DNAH3: variants seen among roughly 807,000 people sequenced by gnomAD.
DNAH3 encodes axonemal beta dynein heavy chain 3.
Under a neutral mutation model 432.5 loss-of-function variants are expected in DNAH3, and 332 were observed. The ratio of observed to expected loss-of-function variants is 0.77; its 90% confidence interval spans 0.70 to 0.84. The LOEUF (loss-of-function observed/expected upper bound fraction) is 0.84, where lower values mean the gene tolerates loss of function less well. Ranked by LOEUF, DNAH3 falls within the 40% of genes least tolerant of loss-of-function variation. The pLI is 0.00. For synonymous variants in DNAH3, 1,956 were observed against 1,900.2 expected (o/e 1.03, Z -0.76); for missense variants, 4,861 against 5,114.0 (o/e 0.95, Z 1.51).
intron 52 of DNAH3, among the ~76,000 whole-genome samples, chr16:20,967,299 TAATTTA>T (rs2085105910): frequency 6.6e-6 from 1 of 152,132 alleles, no homozygotes; most frequent in South Asian, 2.1e-4. Flanking sequence ...GCTTTAATTT[TAATTTA>T]ATGATGGGTT....
chr16:20,972,628 G>A (rs1437182767), intron 51 of DNAH3, among the ~76,000 whole-genome samples: 5 of 151,780 alleles, frequency 3.3e-5, no homozygotes, highest in Non-Finnish European at 7.4e-5. Flanking sequence ...TTCATTATGT[G>A]ACTCTGACAG....
intron 47 of DNAH3, among the ~76,000 whole-genome samples, chr16:20,986,706 C>G (rs923557477): frequency 3.3e-5 from 5 of 152,100 alleles, no homozygotes; most frequent in African/African-American, 1.2e-4. Flanking sequence ...CACTCTGTGC[C>G]TGGAGTAGGA....
chr16:20,980,203 T>TTTATA (rs2085801705), intron 49 of DNAH3, among the ~76,000 whole-genome samples: 3 of 116,906 alleles, frequency 2.6e-5, no homozygotes, highest in South Asian at 2.8e-4. Context: ...TTATTATATA[T>TTTATA]TTATTTATAT....
At chr16:21,154,950 TC>T (rs1210727835) in intron 1 of DNAH3, among the ~76,000 whole-genome samples, 1 of 141,464 alleles carries the variant, frequency 7.1e-6, no homozygotes, top group Non-Finnish European at 1.5e-5. Context: ...TTTCTTTCTT[TC>T]TTTTTTTTTT....
At position 21,149,035 on chromosome 16, in the gene DNAH3, AGCCTG is replaced by A. The variant is rs546452226; in HGVS notation, c.118-2952_118-2948del. ...CACTTGAGGCCAGGAGTTCGAGACC[AGCCTG>A]GCCAACATGGAGAAATCCCGTCTCT... On this transcript the variant is annotated intron_variant, in intron 1 of 61. Transcript: ENST00000261383. Among the ~76,000 whole-genome samples, 456 of 152,248 alleles carry A rather than the reference AGCCTG, an allele frequency of 3.0e-3. 7 individuals carry two copies. The highest frequency in any genetic ancestry group is 0.011 in the African/African-American group (438 of 41,554).
chr16:21,056,391 T>TCCCC (rs2090135629), intron 27 of DNAH3, among the ~76,000 whole-genome samples: 1 of 83,828 alleles, frequency 1.2e-5, no homozygotes, highest in Admixed American at 1.3e-4. Flanking sequence ...CCTCCCTCCC[T>TCCCC]CCCTCTCTCC....
chr16:21,082,665 C>T (rs2091230187), intron 19 of DNAH3, among the ~76,000 whole-genome samples: 1 of 151,914 alleles, frequency 6.6e-6, no homozygotes, highest in African/African-American at 2.4e-5. Context: ...CCTGTCTCTA[C>T]TAAAAATACA....
At chr16:20,975,735 CAG>C (rs1342559272) in intron 50 of DNAH3, among the ~76,000 whole-genome samples, 1 of 152,050 alleles carries the variant, frequency 6.6e-6, no homozygotes, top group African/African-American at 2.4e-5. Context: ...GGGAGAGAGA[CAG>C]AGCAAAAGCA....
Position 20,964,939 on chromosome 16 carries a change from G to T in DNAH3, c.8945C>A (p.Thr2982Asn), listed in dbSNP as rs754790201. ...GATCCCCAGCTGTCGGGCAGCTTCG[G>T]TCCATCTGTCCTTCTCTCCCCCAAG... The change falls in exon 53 of 62, where the codon ACC becomes AAC. Residue 2982 changes from threonine to asparagine, a missense_variant. Coordinates refer to ENST00000261383, the Ensembl canonical transcript of DNAH3. 6.2e-7 allele frequency: 1 copy of T among 1,614,118 alleles called. No individual in the cohort carries two copies. The highest frequency in any genetic ancestry group is 2.2e-5 in the East Asian group (1 of 44,888).
At chr16:21,121,604 T>C (rs2092342429) in intron 10 of DNAH3, among the ~76,000 whole-genome samples, 1 of 151,528 alleles carries the variant, frequency 6.6e-6, no homozygotes, top group African/African-American at 2.4e-5. Flanking sequence ...TTTTCTTTTT[T>C]CTTTTTTTTT....
chr16:21,133,405 C>T (rs1409634982), intron 7 of DNAH3, among the ~76,000 whole-genome samples: 2 of 149,324 alleles, frequency 1.3e-5, no homozygotes, highest in African/African-American at 4.9e-5. Context: ...CCCGCACACA[C>T]TTCATAGGCT....
At chr16:20,954,043 G>A (rs770964507) in intron 55 of DNAH3, among the ~76,000 whole-genome samples, 4 of 151,948 alleles carry the variant, frequency 2.6e-5, no homozygotes, top group East Asian at 3.9e-4. Context: ...TGGCCAACAC[G>A]GTGAAACCCC....
chr16:21,124,260 T>C (rs2092401799), intron 9 of DNAH3, among the ~76,000 whole-genome samples: 1 of 152,158 alleles, frequency 6.6e-6, no homozygotes, highest in African/African-American at 2.4e-5. Flanking sequence ...AAGCCAAAGA[T>C]TGAAAACAAA....
At chr16:20,997,758 G>A (rs1285836633) in intron 43 of DNAH3, among the ~76,000 whole-genome samples, 1 of 151,624 alleles carries the variant, frequency 6.6e-6, no homozygotes, top group East Asian at 1.9e-4. Flanking sequence ...CAGCACTGTG[G>A]GAGGCCGAGG....
intron 15 of DNAH3, among the ~76,000 whole-genome samples, chr16:21,105,390 C>T (rs539918823): frequency 1.3e-5 from 2 of 152,146 alleles, no homozygotes; most frequent in Admixed American, 1.3e-4. Flanking sequence ...TTCAAGGAGC[C>T]CTGACTATTT....
chr16:21,121,851 T>C, intron 10 of DNAH3, 94 bp downstream of exon 11: 1 of 1,064,634 alleles, frequency 9.4e-7, no homozygotes, highest in South Asian at 1.8e-5. Context: ...CTTAACTGAA[T>C]ATCCCAGCGA....
At chr16:20,949,829 GAAGGTAACTACTCTC>G (rs1202426321) in intron 56 of DNAH3, among the ~76,000 whole-genome samples, 2 of 152,190 alleles carry the variant, frequency 1.3e-5, no homozygotes, top group Admixed American at 6.5e-5. Flanking sequence ...GGAACAGTTG[GAAGGTAACTACTCTC>G]AAGCTGGCTG....
At chr16:20,954,971 C>T in exon 55 of DNAH3, 1 of 1,614,060 alleles carries the variant, frequency 6.2e-7, no homozygotes, top group Non-Finnish European at 8.5e-7. Flanking sequence ...GGCCCGGAGC[C>T]CTTTGGGGGG....
intron 50 of DNAH3, among the ~76,000 whole-genome samples, chr16:20,976,708 G>A (rs1040754011): frequency 6.6e-6 from 1 of 152,196 alleles, no homozygotes; most frequent in Non-Finnish European, 1.5e-5. Flanking sequence ...GGTCATAAGG[G>A]TGAGGCCCAC....
Sources: allele counts gnomAD v4.1 joint callset (sites outside exome capture counted in the v4.1 genomes callset), GRCh38; gene constraint gnomAD v4.1.1; transcripts MANE v1.5; gene names NCBI Gene and HGNC (gene_info 2026-07-23, HGNC 2026-07-21).